The following PCGF2 variants were observed in gnomAD, a reference collection of about 807,000 sequenced individuals.
PCGF2 encodes polycomb group ring finger 2.
Under a neutral mutation model 36.1 loss-of-function variants are expected in PCGF2, and 8 were observed. The ratio of observed to expected loss-of-function variants is 0.22; its 90% CI spans 0.13 to 0.40. PCGF2 has a LOEUF of 0.40. Ranked by LOEUF, PCGF2 falls within the 10% of genes least tolerant of loss-of-function variation. The pLI, the probability that PCGF2 is intolerant of heterozygous loss-of-function variation, is 1.00. For synonymous variants in PCGF2, 198 were observed against 191.2 expected, an observed-to-expected ratio of 1.04 and a Z score of -0.29; for missense variants, 436 against 475.9, an observed-to-expected ratio of 0.92 and a Z score of 0.78.
Position 38,739,102 on chromosome 17 carries a change from C to T in PCGF2, c.282G>A (p.Arg94=). The part of the protein sequence containing the change: ...PGLFKDEMKR[R]RDFYAAYPLT... ...GGGGGTACGCTGCATAGAAATCCCG[C>T]CGCCGTTTCATCTCATCTGGAAGAA... Residue 94 remains arginine, a synonymous_variant, in exon 6 of 11, where the codon CGG becomes CGA. Transcript: ENST00000620225. The surrounding 1 kb of genome is among the most constrained non-coding windows in gnomAD (Gnocchi z 4.0). 6.2e-7 allele frequency: 1 copy of T among 1,613,852 alleles called. No individual in the cohort carries two copies. The highest frequency in any genetic ancestry group is 1.3e-5 in the African/African-American group (1 of 75,022).
intron 2 of PCGF2, among the ~76,000 whole-genome samples, chr17:38,747,001 G>A (rs1030180319): frequency 1.3e-5 from 2 of 152,166 alleles, no homozygotes; most frequent in African/African-American, 4.8e-5. Flanking sequence ...AGCGGGGAGG[G>A]GACAACCAGG....
Position 38,739,676 on chromosome 17 carries a change from T to G in PCGF2, c.119A>C (p.Lys40Thr). Reference protein sequence around the residue: ...TIVECLHSFCKTCIVRYLETN... With the variant: ...TIVECLHSFCTTCIVRYLETN... The stretch of plus-strand genomic sequence containing the variant: ...CTCCAGGTAGCGCACGATGCAGGTT[T>G]TGCAGACTTGGGGGTGTGGAGAGAG... Residue 40 changes from lysine (K) to threonine (T), a missense_variant, in exon 4 of 11, where the codon AAA becomes ACA. Lys to Thr is a moderately conservative substitution (Grantham distance 78). This residue lies in a region of PCGF2 where 189 missense variants were observed against 219.3 expected (regional missense o/e 0.86). Coordinates refer to ENST00000620225, the MANE Select transcript of PCGF2 (RefSeq NM_007144.3). The surrounding 1 kb of genome is among the most constrained non-coding windows in gnomAD (Gnocchi z 4.0). The G allele has an allele frequency of 6.2e-7, 1 of 1,613,718 alleles. No homozygotes were observed. The highest frequency in any genetic ancestry group is 8.5e-7 in the Non-Finnish European group (1 of 1,179,670).
intron 2 of PCGF2, among the ~76,000 whole-genome samples, chr17:38,747,351 T>C (rs926144343): frequency 1.3e-5 from 2 of 151,894 alleles, no homozygotes; most frequent in African/African-American, 2.4e-5. Context: ...GTTTAGCAGA[T>C]CCCCCTGCTT....
At position 38,739,308 on chromosome 17, in the gene PCGF2, C is replaced by G; in HGVS notation, c.210-55G>C. 1 of 1,495,616 alleles carries G rather than the reference C, an allele frequency of 6.7e-7. No homozygotes were observed. The highest frequency in any genetic ancestry group is 9.3e-7 in the Non-Finnish European group (1 of 1,073,548). The allele number at this position is 1,495,616 out of a possible 1,614,324, so 92.6% of individuals were successfully genotyped here. ...AATGCCTTCTCCAGAGCGCTCCGACCTCGCCCTGCTCTCCCAGCCAGGGTA... is the reference window on the plus strand; with the variant it reads ...AATGCCTTCTCCAGAGCGCTCCGACGTCGCCCTGCTCTCCCAGCCAGGGTA... On this transcript the variant is annotated intron_variant, in intron 4 of 10. Coordinates refer to ENST00000620225, the MANE Select transcript of PCGF2 (RefSeq NM_007144.3). This position sits in a 1 kb window ranked among gnomAD's most constrained non-coding sequence, Gnocchi z 4.0.
At chr17:38,736,244 G>A (rs1435538485) in intron 9 of PCGF2, 74 bp from the exon 10 acceptor site, 1 of 884,462 alleles carries the variant, frequency 1.1e-6, no homozygotes, top group Non-Finnish European at 1.8e-6. Flanking sequence ...GGGGGACTGG[G>A]AGGCGGGGCA....
At chr17:38,735,879 C>A (rs1392774790) in intron 10 of PCGF2, among the ~76,000 whole-genome samples, 1 of 151,998 alleles carries the variant, frequency 6.6e-6, no homozygotes, top group Non-Finnish European at 1.5e-5. Flanking sequence ...CTGGGGACAC[C>A]GTCTGCCCAG....
At chr17:38,742,596 C>T (rs1228209016) in intron 2 of PCGF2, among the ~76,000 whole-genome samples, 1 of 152,190 alleles carries the variant, frequency 6.6e-6, no homozygotes, top group African/African-American at 2.4e-5. Context: ...GGTTCCCACC[C>T]CACGCAGGGT....
At chr17:38,746,341 A>G (rs969010294) in intron 2 of PCGF2, 2 of 144,988 alleles carry the variant, frequency 1.4e-5, no homozygotes, top group Non-Finnish European at 1.5e-5. Flanking sequence ...ACACACACAC[A>G]ATCACAGCCA....
chr17:38,747,415 C>T (rs2143163478), intron 2 of PCGF2, among the ~76,000 whole-genome samples: 2 of 152,320 alleles, frequency 1.3e-5, no homozygotes, highest in African/African-American at 4.8e-5. Flanking sequence ...CATTCTACCC[C>T]CAGCGCCCGG....
intron 2 of PCGF2, chr17:38,746,386 A>C (rs1032238175): frequency 1.3e-5 from 2 of 152,618 alleles, no homozygotes; most frequent in African/African-American, 4.9e-5. Context: ...TACATGCAGA[A>C]GCCATCCACA....
intron 2 of PCGF2, among the ~76,000 whole-genome samples, chr17:38,745,075 G>A (rs560313304): frequency 3.3e-5 from 5 of 152,302 alleles, no homozygotes; most frequent in South Asian, 4.1e-4. Context: ...GCTCACGTCC[G>A]TAATCCCAGC....
At chr17:38,736,792 C>T (rs572502036) in intron 9 of PCGF2, among the ~76,000 whole-genome samples, 1 of 151,986 alleles carries the variant, frequency 6.6e-6, no homozygotes, top group South Asian at 2.1e-4. Context: ...GGAGATAGTG[C>T]CCCTGAACTC....
At chr17:38,741,726 G>C (rs146894641) in intron 2 of PCGF2, among the ~76,000 whole-genome samples, 7 of 152,310 alleles carry the variant, frequency 4.6e-5, no homozygotes, top group African/African-American at 1.7e-4. Context: ...GCAGGGAACA[G>C]AGAGGGTCCT....
At chr17:38,746,260 C>G (rs1398760999) in intron 2 of PCGF2, among the ~76,000 whole-genome samples, 1 of 151,868 alleles carries the variant, frequency 6.6e-6, no homozygotes, top group Non-Finnish European at 1.5e-5. Flanking sequence ...GACACACCCC[C>G]CTCCACCTCT....
rs1203681351 is a variant in PCGF2 at position 38,735,188 on chromosome 17, A to C, written c.*35T>G. ...CCCAGAAAAAGTGGAAGGAGTGGAG[A>C]GGCTTGGCTGGAAGAAGGGAGAGGG... is the stretch of plus-strand genomic sequence containing the variant. On this transcript the variant is annotated 3_prime_UTR_variant, in exon 11 of 11. Coordinates refer to ENST00000620225, the MANE Select transcript of PCGF2 (RefSeq NM_007144.3). The C allele has an allele frequency of 1.5e-6, 2 of 1,340,986 alleles. No individual in the cohort carries two copies. The highest frequency in any genetic ancestry group is 3.0e-5 in the African/African-American group (2 of 67,474). 83.1% of individuals were successfully genotyped at this position (1,340,986 alleles called of 1,614,324 possible). A position where few individuals can be genotyped will look rare whatever the true frequency, so the allele number is the denominator to read the frequency against.
intron 2 of PCGF2, 131 bp from the exon 3 acceptor site, chr17:38,740,573 C>G (rs1433260264): frequency 3.3e-6 from 2 of 603,238 alleles, no homozygotes; most frequent in Non-Finnish European, 5.7e-6. Context: ...TCTTGACTAA[C>G]ATGGTGAAAC....
Position 38,739,048 on chromosome 17 carries a change from A to G in PCGF2, c.316+20T>C, listed in dbSNP as rs374946636. On this transcript the variant is annotated intron_variant, in intron 6 of 10. Transcript: ENST00000620225. The surrounding 1 kb of genome is among the most constrained non-coding windows in gnomAD (Gnocchi z 4.0). Reference sequence around the variant, plus strand: ...CCCAGGCAAGACTGTGCACACACAAACAGACGCGAGCACACTCACCCTCCG... The same window carrying G: ...CCCAGGCAAGACTGTGCACACACAAGCAGACGCGAGCACACTCACCCTCCG... 1.9e-6 allele frequency: 3 copies of G among 1,611,868 alleles called. No homozygotes were observed. In the African/African-American group the frequency reaches 4.0e-5, roughly 22 times the overall value.
In PCGF2 at chr17:38,739,380, T is replaced by A. The variant is rs1191488825; in HGVS notation, c.210-127A>T. On this transcript the variant is annotated intron_variant, in intron 4 of 10. Coordinates refer to ENST00000620225, the MANE Select transcript of PCGF2 (RefSeq NM_007144.3). The surrounding 1 kb of genome is among the most constrained non-coding windows in gnomAD (Gnocchi z 4.0). ...TGAGACCGGTGCCCAGGCATTAGGA[T>A]CCCTGTGGGTCTGGTCTTTGCCCCT... 4 of 948,086 alleles carry A rather than the reference T, an allele frequency of 4.2e-6. No individual in the cohort carries two copies. The highest frequency in any genetic ancestry group is 1.6e-5 in the African/African-American group (1 of 61,756). 58.7% of individuals were successfully genotyped at this position (948,086 alleles called of 1,614,324 possible).
At chr17:38,744,452 T>C (rs755622761) in intron 2 of PCGF2, among the ~76,000 whole-genome samples, 1 of 152,132 alleles carries the variant, frequency 6.6e-6, no homozygotes, top group African/African-American at 2.4e-5. Context: ...GCCTCCTGGA[T>C]TGAAGCGATT....
Sources: allele counts gnomAD v4.1 joint callset (sites outside exome capture counted in the v4.1 genomes callset), GRCh38; gene constraint gnomAD v4.1.1; regional missense constraint gnomAD v4.1.1; non-coding constraint Gnocchi (gnomAD v3.1); transcripts MANE v1.5; gene names NCBI Gene and HGNC (gene_info 2026-07-23, HGNC 2026-07-21).